Variants in VPS13D observed in about 807,000 individuals in gnomAD.
VPS13D encodes the protein intermembrane lipid transfer protein VPS13D.
In VPS13D, 187 loss-of-function variants were observed where a neutral mutation model predicts 461.9. The ratio of observed to expected loss-of-function variants is 0.40; its 90% CI spans 0.36 to 0.46. VPS13D has a LOEUF of 0.46. VPS13D is among the 20% of genes least tolerant of loss of function. VPS13D has a pLI of 0.60. For missense variants in VPS13D, 4,711 were observed against 5,364.9 expected (o/e 0.88, Z 3.81); for synonymous variants, 1,951 against 1,986.3 (o/e 0.98, Z 0.47).
intron 67 of VPS13D, among the ~76,000 whole-genome samples, chr1:12,482,760 A>T (rs1369282802): frequency 2.8e-5 from 4 of 143,182 alleles, no homozygotes; most frequent in African/African-American, 1.1e-4. Flanking sequence ...ATATGTATAC[A>T]TAGTATACAT....
intron 50 of VPS13D, among the ~76,000 whole-genome samples, chr1:12,361,754 AT>A (rs1643954179): frequency 6.6e-6 from 1 of 152,114 alleles, no homozygotes; most frequent in Non-Finnish European, 1.5e-5. Context: ...GTGCTTTTCT[AT>A]ATTTGGAACC....
chr1:12,488,494 C>G (rs1297490136), intron 67 of VPS13D, among the ~76,000 whole-genome samples: 1 of 151,894 alleles, frequency 6.6e-6, no homozygotes, highest in Non-Finnish European at 1.5e-5. Flanking sequence ...TAAATTTCAT[C>G]TCTTCTCTTA....
chr1:12,303,131 T>C (rs1273690842), intron 25 of VPS13D, among the ~76,000 whole-genome samples: 1 of 152,376 alleles, frequency 6.6e-6, no homozygotes, highest in Middle Eastern at 3.4e-3. Flanking sequence ...CATTTGCATG[T>C]GTGAGGTTTG....
At chr1:12,376,321 A>G (rs1159839571) in intron 55 of VPS13D, among the ~76,000 whole-genome samples, 1 of 152,232 alleles carries the variant, frequency 6.6e-6, no homozygotes, top group Non-Finnish European at 1.5e-5. Flanking sequence ...TTAAAGATAT[A>G]TAGTATCTGG....
At chr1:12,412,909 G>A (rs1363560549) in intron 63 of VPS13D, among the ~76,000 whole-genome samples, 1 of 152,080 alleles carries the variant, frequency 6.6e-6, no homozygotes, top group African/African-American at 2.4e-5. Context: ...GTTCAACAGA[G>A]GACTTGGTAT....
At chr1:12,374,656 T>A (rs898807241) in intron 55 of VPS13D, among the ~76,000 whole-genome samples, 2 of 152,260 alleles carry the variant, frequency 1.3e-5, no homozygotes, top group African/African-American at 4.8e-5. Context: ...TATGCATATG[T>A]ATATGTGTCA....
chr1:12,287,049 C>T (rs1233902258), intron 21 of VPS13D, among the ~76,000 whole-genome samples: 2 of 151,934 alleles, frequency 1.3e-5, no homozygotes, highest in African/African-American at 2.4e-5. Context: ...TTAGTAGAGA[C>T]GGGGTTTCAT....
At chr1:12,345,268 T>G (rs1643651390) in intron 42 of VPS13D, 106 bp from the exon 43 acceptor site, 1 of 1,362,332 alleles carries the variant, frequency 7.3e-7, no homozygotes, top group Admixed American at 2.2e-5. Flanking sequence ...TTTAGCCAAC[T>G]GGGTTTTTAC....
chr1:12,448,078 C>T (rs375940895), intron 65 of VPS13D, among the ~76,000 whole-genome samples: 2 of 152,062 alleles, frequency 1.3e-5, no homozygotes, highest in African/African-American at 4.8e-5. Flanking sequence ...TAACCAAGGT[C>T]GCCGTGGGTA....
intron 50 of VPS13D, 121 bp from the exon 51 acceptor site, chr1:12,362,599 C>T: frequency 2.1e-6 from 2 of 972,866 alleles, no homozygotes; most frequent in Non-Finnish European, 3.1e-6. Flanking sequence ...TCAATATCCT[C>T]TGGGTGATAC....
chr1:12,452,869 G>C (rs1251372886), intron 65 of VPS13D, among the ~76,000 whole-genome samples: 2 of 152,226 alleles, frequency 1.3e-5, no homozygotes, highest in Non-Finnish European at 2.9e-5. Flanking sequence ...TGTAATGGTT[G>C]ACTGTTAACA....
rs760579820 is a variant in VPS13D, at chr1:12,266,882, T to G, written c.1596T>G (p.Asp532Glu). 1 of 1,580,858 alleles carries G rather than the reference T, an allele frequency of 6.3e-7. No individual in the cohort carries two copies. Among genetic ancestry groups the G allele is most frequent in the East Asian group, 2.3e-5 (1 of 44,382 alleles). The change falls in exon 14 of 70, where the codon GAT becomes GAG. Residue 532 changes from aspartate to glutamate, a missense_variant and splice_region_variant. Coordinates refer to ENST00000620676, the MANE Select transcript of VPS13D (RefSeq NM_015378.4). The stretch of plus-strand genomic sequence containing the variant: ...AACTATTTTATTTATCTTTTATAGA[T>G]GTAAAACTTCTAGCAGAGTCTCTTC... ...ESAFMQLEFS[D>E]VKLLAESLPR...
chr1:12,233,773 C>T (rs966803635), intron 1 of VPS13D, among the ~76,000 whole-genome samples: 5 of 152,140 alleles, frequency 3.3e-5, no homozygotes, highest in South Asian at 2.1e-4. Context: ...TGCAGCCGGG[C>T]GCAGTGGCTC....
In VPS13D at chr1:12,266,872, C is replaced by G; in HGVS notation, c.1595-9C>G. ...GCATTGTATCAACTATTTTATTTAT[C>G]TTTTATAGATGTAAAACTTCTAGCA... On this transcript the variant is annotated splice_polypyrimidine_tract_variant and intron_variant, in intron 13 of 69. Transcript: ENST00000620676. 2 of 1,560,464 alleles carry G rather than the reference C, an allele frequency of 1.3e-6. No individual in the cohort carries two copies. Among genetic ancestry groups the G allele is most frequent in the South Asian group, 2.4e-5 (2 of 82,846 alleles).
chr1:12,491,373 G>T (rs1474807549), intron 67 of VPS13D, among the ~76,000 whole-genome samples: 2 of 152,130 alleles, frequency 1.3e-5, no homozygotes, highest in East Asian at 1.9e-4. Flanking sequence ...GCTGTGTAGG[G>T]GTATGTGTAT....
At chr1:12,488,927 C>G (rs1645840233) in intron 67 of VPS13D, among the ~76,000 whole-genome samples, 1 of 152,160 alleles carries the variant, frequency 6.6e-6, no homozygotes, top group Admixed American at 6.5e-5. Context: ...AGAAAGCTTA[C>G]AATTGTAAAG....
chr1:12,398,776 T>G (rs1644533449), intron 60 of VPS13D, among the ~76,000 whole-genome samples: 1 of 152,238 alleles, frequency 6.6e-6, no homozygotes, highest in African/African-American at 2.4e-5. Flanking sequence ...TAGAGGAAAC[T>G]GTTACAATTT....
intron 65 of VPS13D, among the ~76,000 whole-genome samples, chr1:12,445,090 C>G (rs1645176466): frequency 6.6e-6 from 1 of 152,072 alleles, no homozygotes. Flanking sequence ...TTGGGATAGA[C>G]AATAGAAAGA....
chr1:12,288,154 T>C (rs1569813086), intron 21 of VPS13D, 69 bp from the exon 22 acceptor site: 1 of 1,352,914 alleles, frequency 7.4e-7, no homozygotes, highest in East Asian at 2.3e-5. Context: ...TTGATTGCTC[T>C]GCCGTTTTCC....
Sources: allele counts gnomAD v4.1 joint callset (sites outside exome capture counted in the v4.1 genomes callset), GRCh38; gene constraint gnomAD v4.1.1; transcripts MANE v1.5; gene names NCBI Gene and HGNC (gene_info 2026-07-23, HGNC 2026-07-21).